The following SPAG6 variants were observed in gnomAD, a reference collection of about 807,000 sequenced individuals.
The protein encoded by SPAG6 is sperm-associated antigen 6.
Under a neutral mutation model 58.5 loss-of-function variants are expected in SPAG6, and 49 were observed. The observed-to-expected ratio is 0.84, with a 90% CI of 0.67 to 1.06. The LOEUF is 1.06. Among genes scored for constraint, SPAG6 ranks in the 50% least tolerant of loss-of-function variants. The probability of loss-of-function intolerance (pLI) is 0.00; values close to 1 mark genes in which losing one functional copy is unlikely to be tolerated. For missense variants in SPAG6, 560 were observed against 611.3 expected, an observed-to-expected ratio of 0.92 and a Z score of 0.89; for synonymous variants, 233 against 225.6, an observed-to-expected ratio of 1.03 and a Z score of -0.29.
chr10:22,362,738 C>CA (rs1190697702), intron 2 of SPAG6, among the ~76,000 whole-genome samples: 4 of 151,054 alleles, frequency 2.6e-5, no homozygotes, highest in African/African-American at 7.3e-5. Context: ...CAAAACAACC[C>CA]AAAAAAACAA....
At chr10:22,362,026 A>G (rs1837056582) in intron 2 of SPAG6, among the ~76,000 whole-genome samples, 1 of 146,516 alleles carries the variant, frequency 6.8e-6, no homozygotes, top group Admixed American at 6.9e-5. Flanking sequence ...TATTTTATAT[A>G]AATATATAGA....
chr10:22,411,997 C>A (rs1266684343), intron 10 of SPAG6, among the ~76,000 whole-genome samples: 2 of 151,914 alleles, frequency 1.3e-5, no homozygotes, highest in African/African-American at 2.4e-5. Flanking sequence ...TACAGACGCC[C>A]GCCATCACGC....
rs36119497 is a variant in SPAG6 at position 22,364,888 on chromosome 10, G to C, written c.157G>C (p.Val53Leu). ...TTTGCTGAGAACTCTTCTTCTGGAC[G>C]TGGTCCCAACAATTCAACAGACTGC... is the stretch of plus-strand genomic sequence containing the variant. Reference protein sequence around the residue: ...MSLLRTLLLDVVPTIQQTAAL... With the variant: ...MSLLRTLLLDLVPTIQQTAAL... The change falls in exon 3 of 11, where the codon GTG becomes CTG. Residue 53 changes from valine to leucine, a missense_variant. Val to Leu is a conservative substitution (Grantham distance 32). Coordinates refer to ENST00000376624, the MANE Select transcript of SPAG6 (RefSeq NM_012443.4). 6.2e-7 allele frequency: 1 copy of C among 1,611,840 alleles called. No individual in the cohort carries two copies. The highest frequency in any genetic ancestry group is 8.5e-7 in the Non-Finnish European group (1 of 1,179,024).
intron 2 of SPAG6, among the ~76,000 whole-genome samples, chr10:22,360,091 A>G (rs1331142714): frequency 1.3e-5 from 2 of 152,160 alleles, no homozygotes; most frequent in South Asian, 2.1e-4. Flanking sequence ...GCATTGTGTT[A>G]TAACAAATTA....
intron 10 of SPAG6, among the ~76,000 whole-genome samples, chr10:22,413,687 T>TTATATATATATATATATATATA (rs1564384057): frequency 3.7e-4 from 48 of 130,166 alleles, no homozygotes; most frequent in African/African-American, 2.0e-3. Context: ...TTCAAATTTC[T>TTATATATATATATATATATATA]GATATATATA....
chr10:22,363,860 GTAAAT>G (rs1442553323), intron 2 of SPAG6, among the ~76,000 whole-genome samples: 1 of 152,194 alleles, frequency 6.6e-6, no homozygotes, highest in Non-Finnish European at 1.5e-5. Context: ...GTAGACTGGT[GTAAAT>G]TAAAGTGTAG....
intron 2 of SPAG6, among the ~76,000 whole-genome samples, chr10:22,364,544 A>G (rs191209638): frequency 2.0e-5 from 3 of 152,296 alleles, no homozygotes; most frequent in South Asian, 2.1e-4. Context: ...ATACTCTACA[A>G]CCTTTCTCTG....
At chr10:22,396,100 C>T (rs375032888) in intron 8 of SPAG6, among the ~76,000 whole-genome samples, 83 of 152,202 alleles carry the variant, frequency 5.5e-4, no homozygotes, top group African/African-American at 1.7e-3. Flanking sequence ...CATGGCAGAG[C>T]AGGAGAGAGG....
At chr10:22,353,160 A>C (rs1263119446) in intron 2 of SPAG6, among the ~76,000 whole-genome samples, 2 of 152,232 alleles carry the variant, frequency 1.3e-5, no homozygotes. Flanking sequence ...TTTCAAACTG[A>C]TTGCTTTCCA....
rs368235935 is a variant in SPAG6, at chr10:22,410,445, GA to G, written c.1315-585del. ...AAGAAAAGGACTCAACTCATCCTGG[GA>G]TAAGGGGATAGGGGCTTCCAGAGAA... On this transcript the variant is annotated intron_variant, in intron 9 of 10. Transcript: ENST00000376624. Among the ~76,000 whole-genome samples the G allele has an allele frequency of 4.6e-4, 70 of 152,302 alleles. No individual in the cohort carries two copies. In the East Asian group the frequency reaches 4.8e-3, roughly 11 times the overall value.
At chr10:22,401,042 A>G (rs1588556532) in intron 8 of SPAG6, 119 bp from the exon 9 acceptor site, 1 of 629,378 alleles carries the variant, frequency 1.6e-6, no homozygotes, top group Non-Finnish European at 2.8e-6. Flanking sequence ...AAATGAAACA[A>G]CTGCAGCTTA....
intron 2 of SPAG6, among the ~76,000 whole-genome samples, chr10:22,351,247 G>GAGT (rs1308264087): frequency 6.6e-6 from 1 of 152,198 alleles, no homozygotes; most frequent in Non-Finnish European, 1.5e-5. Flanking sequence ...GAGGGAGTGG[G>GAGT]AGTAGTATTT....
In SPAG6 at chr10:22,417,384, G is replaced by T. The variant is rs1266869948; in HGVS notation, c.*696G>T. ...CTGCATACATGCTCTCCCTCTCATT[G>T]AAAGGTTTCTTAGTCTAGCTCTGCT... On this transcript the variant is annotated 3_prime_UTR_variant, in exon 11 of 11. Coordinates refer to ENST00000376624, the MANE Select transcript of SPAG6 (RefSeq NM_012443.4). 1 of 152,086 alleles carries T rather than the reference G, an allele frequency of 6.6e-6. No individual in the cohort carries two copies. Among genetic ancestry groups the T allele is most frequent in the Non-Finnish European group, 1.5e-5 (1 of 68,022 alleles). 9.4% of individuals were successfully genotyped at this position (152,086 alleles called of 1,614,324 possible).
At chr10:22,376,954 A>G (rs939593858) in intron 4 of SPAG6, among the ~76,000 whole-genome samples, 1 of 151,846 alleles carries the variant, frequency 6.6e-6, no homozygotes, top group South Asian at 2.1e-4. Flanking sequence ...AGTGGTGTAC[A>G]GCTACTTGGG....
intron 4 of SPAG6, among the ~76,000 whole-genome samples, chr10:22,379,668 C>T (rs1490142161): frequency 6.6e-6 from 1 of 152,210 alleles, no homozygotes; most frequent in Admixed American, 6.5e-5. Context: ...GTAAGCCACT[C>T]CTAGATTCTT....
intron 2 of SPAG6, among the ~76,000 whole-genome samples, chr10:22,352,315 G>A (rs565257597): frequency 2.1e-4 from 32 of 151,966 alleles, no homozygotes; most frequent in Non-Finnish European, 4.0e-4. Context: ...TATATTCATA[G>A]GCTAGATTAT....
intron 2 of SPAG6, among the ~76,000 whole-genome samples, chr10:22,356,823 C>T (rs1171933921): frequency 2.0e-5 from 3 of 152,188 alleles, no homozygotes; most frequent in Non-Finnish European, 4.4e-5. Flanking sequence ...CCCTGCCTCT[C>T]ATCTTGTCCC....
intron 10 of SPAG6, among the ~76,000 whole-genome samples, chr10:22,414,043 C>T (rs1841974584): frequency 6.6e-6 from 1 of 152,068 alleles, no homozygotes; most frequent in Non-Finnish European, 1.5e-5. Flanking sequence ...GGGGTCTGGA[C>T]TAGACATTAG....
intron 8 of SPAG6, among the ~76,000 whole-genome samples, chr10:22,399,755 T>C (rs1330271703): frequency 6.6e-6 from 1 of 152,234 alleles, no homozygotes; most frequent in African/African-American, 2.4e-5. Context: ...GCTGTCTTTA[T>C]TGTACAGTGT....
Sources: allele counts gnomAD v4.1 joint callset (sites outside exome capture counted in the v4.1 genomes callset), GRCh38; gene constraint gnomAD v4.1.1; transcripts MANE v1.5; gene names NCBI Gene and HGNC (gene_info 2026-07-23, HGNC 2026-07-21).